HRC: variants seen among roughly 807,000 people sequenced by gnomAD.
HRC encodes histidine rich calcium binding protein.
In HRC, 41 loss-of-function variants were observed where a neutral mutation model predicts 61.4. The observed-to-expected ratio is 0.67, with a 90% confidence interval of 0.52 to 0.87. The LOEUF is 0.87. Among genes scored for constraint, HRC ranks in the 40% least tolerant of loss-of-function variants. The pLI, the probability that HRC is intolerant of heterozygous loss-of-function variation, is 0.00. For synonymous variants in HRC, 308 were observed against 326.6 expected, an observed-to-expected ratio of 0.94 and a Z score of 0.62; for missense variants, 839 against 885.8, an observed-to-expected ratio of 0.95 and a Z score of 0.67.
At position 49,151,834 on chromosome 19, in the gene HRC, C is replaced by G. The variant is rs111458305; in HGVS notation, c.2026+170G>C. 1.7e-3 allele frequency: 1,141 copies of G among 687,692 alleles called. 14 individuals are homozygous for G. In the African/African-American group the frequency reaches 0.018, roughly 11 times the overall value. 42.6% of individuals were successfully genotyped at this position (687,692 alleles called of 1,614,324 possible). On this transcript the variant is annotated intron_variant, in intron 4 of 5. Coordinates refer to ENST00000252825, the MANE Select transcript of HRC (RefSeq NM_002152.3). Reference sequence around the variant, plus strand: ...CTGTCCCTTGGCTCCAGCAACTCCACCTGGTGTTCCTCGAGCCAGGCCCCG... The same window carrying G: ...CTGTCCCTTGGCTCCAGCAACTCCAGCTGGTGTTCCTCGAGCCAGGCCCCG...
intron 3 of HRC, 24 bp downstream of exon 3, chr19:49,152,286 C>A (rs1399677230): frequency 1.9e-6 from 3 of 1,602,880 alleles, no homozygotes; most frequent in Non-Finnish European, 2.6e-6. Flanking sequence ...CCAGTGGAGC[C>A]TTGAGTGTGA....
intron 3 of HRC, 122 bp from the exon 4 acceptor site, chr19:49,152,180 C>T (rs953186200): frequency 7.9e-6 from 10 of 1,264,876 alleles, no homozygotes; most frequent in Non-Finnish European, 1.2e-5. Context: ...GTCAGGATCG[C>T]TTGTGGAGTC....
chr19:49,153,940 T>A lies in HRC; in HGVS notation c.1298A>T (p.Glu433Val), dbSNP rs570096839. ...PREEDEEVSA[E>V]LGHQAPSHRQ... ...GTGGCTGGGGGCCTGGTGGCCAAGC[T>A]CAGCAGAGACCTCCTCATCTTCCTC... The change falls in exon 1 of 6, where the codon GAG becomes GTG. Residue 433 changes from glutamate (E) to valine (V), a missense_variant. By Grantham distance (121) the Glu-to-Val change is moderately radical (BLOSUM62 -2). Coordinates refer to ENST00000252825, the MANE Select transcript of HRC (RefSeq NM_002152.3). This position sits in a 1 kb window ranked among gnomAD's most constrained non-coding sequence, Gnocchi z 4.8. 20 of 1,613,402 alleles carry A rather than the reference T, an allele frequency of 1.2e-5. No homozygotes were observed. The East Asian group carries it at 1.6e-4, about 13-fold the overall frequency.
intron 3 of HRC, 34 bp downstream of exon 3, chr19:49,152,276 C>G (rs2041368386): frequency 1.3e-6 from 2 of 1,584,374 alleles, no homozygotes; most frequent in Non-Finnish European, 8.7e-7. Flanking sequence ...ATCCTGAGGC[C>G]CAGTGGAGCC....
rs1347890862 is a variant in HRC, at chr19:49,154,915, G to A, written c.323C>T (p.Ser108Phe). The A allele has an allele frequency of 6.2e-7, 1 of 1,614,000 alleles. No homozygotes were observed. The highest frequency in any genetic ancestry group is 1.3e-5 in the African/African-American group (1 of 74,914). The change falls in exon 1 of 6, where the codon TCC (serine) becomes TTC (phenylalanine). Residue 108 changes from serine to phenylalanine, a missense_variant. Physicochemically the swap from Ser to Phe is radical, Grantham distance 155. Coordinates refer to ENST00000252825, the MANE Select transcript of HRC (RefSeq NM_002152.3). ...CTCATCTCCGACTTTGTGGTCTTGG[G>A]ACCTGTGGCCTGGGAGTAGGTGCCC... ...EYGHLLPGHR[S>F]QDHKVGDEGV...
In HRC at chr19:49,153,697, C is replaced by T. The variant is rs142238174; in HGVS notation, c.1541G>A (p.Arg514Gln). 5.1e-5 allele frequency: 83 copies of T among 1,613,220 alleles called. No homozygotes were observed. The highest frequency in any genetic ancestry group is 3.2e-4 in the African/African-American group (24 of 74,856). Residue 514 changes from arginine to glutamine, a missense_variant, in exon 1 of 6, where the codon CGG becomes CAG. Coordinates refer to ENST00000252825, the MANE Select transcript of HRC (RefSeq NM_002152.3). This position sits in a 1 kb window ranked among gnomAD's most constrained non-coding sequence, Gnocchi z 4.8. ...QGEKGTHHGS[R>Q]DQEDEEDEEE... is the part of the protein sequence containing the mutation. Reference sequence around the variant, plus strand: ...CTCATCCTCCTCATCTTCCTGGTCCCGGCTGCCATGATGGGTGCCTTTCTC... The same window carrying T: ...CTCATCCTCCTCATCTTCCTGGTCCTGGCTGCCATGATGGGTGCCTTTCTC...
rs74666147 is a variant in HRC, at chr19:49,154,947, C to T, written c.291G>A (p.Lys97=). The change falls in exon 1 of 6, where the codon AAG becomes AAA. Residue 97 remains lysine (K), a synonymous_variant. Coordinates refer to ENST00000252825, the MANE Select transcript of HRC (RefSeq NM_002152.3). The stretch of plus-strand genomic sequence containing the variant: ...GGCCTGGGAGTAGGTGCCCATATTC[C>T]TTGGAGACATCTTCATCCTCCTTTT... ...DREKEDEDVS[K]EYGHLLPGHR... 309 of 1,614,180 alleles carry T rather than the reference C, an allele frequency of 1.9e-4. 1 individual carries two copies. In the African/African-American group the frequency reaches 3.6e-3, roughly 19 times the overall value.
In HRC at chr19:49,154,371, A is replaced by T; in HGVS notation, c.867T>A (p.His289Gln). ...GGTGCCTGTGGCTGGGGTCGCGATG[A>T]TGGTGTCCATCTGAGACATCTTCAT... Reference protein sequence around the residue: ...EEDEDVSDGHHHRDPSHRHRS... With the variant: ...EEDEDVSDGHQHRDPSHRHRS... Residue 289 changes from histidine to glutamine, a missense_variant, in exon 1 of 6, where the codon CAT becomes CAA. By Grantham distance (24) the His-to-Gln change is conservative. Coordinates refer to ENST00000252825, the MANE Select transcript of HRC (RefSeq NM_002152.3). 6.3e-7 allele frequency: 1 copy of T among 1,586,000 alleles called. No homozygotes were observed. Among genetic ancestry groups the T allele is most frequent in the South Asian group, 1.1e-5 (1 of 90,312 alleles).
In HRC at chr19:49,152,034, G is replaced by A. The variant is rs1467346930; in HGVS notation, c.1996C>T (p.Pro666Ser). 1.9e-6 allele frequency: 3 copies of A among 1,614,232 alleles called. No individual in the cohort carries two copies. The highest frequency in any genetic ancestry group is 1.1e-5 in the South Asian group (1 of 91,084). Reference sequence around the variant, plus strand: ...GCGCAGACCGTTTCGCAGACCAGCGGGCAGAGATAGCAGAACTGACAGTGC... The same window carrying A: ...GCGCAGACCGTTTCGCAGACCAGCGAGCAGAGATAGCAGAACTGACAGTGC... ...CQHCQFCYLC[P>S]LVCETVCAPG... Residue 666 changes from proline (P) to serine (S), a missense_variant, in exon 4 of 6, where the codon CCG becomes TCG. Coordinates refer to ENST00000252825, the MANE Select transcript of HRC (RefSeq NM_002152.3).
rs1170651274 is a variant in HRC at position 49,153,549 on chromosome 19, G to A, written c.1689C>T (p.Ser563=). ...CCTCTTCCTCCTCGCTGTGGTCTGG[G>A]CTCAGTGGGGCCCCAACCTCAGCCC... The part of the protein sequence containing the change: ...EERAEVGAPL[S]PDHSEEEEEE... Residue 563 remains serine, a synonymous_variant, in exon 1 of 6, where the codon AGC becomes AGT. Transcript: ENST00000252825. This position sits in a 1 kb window ranked among gnomAD's most constrained non-coding sequence, Gnocchi z 4.8. The A allele has an allele frequency of 3.2e-6, 5 of 1,572,160 alleles. No individual in the cohort carries two copies. The highest frequency in any genetic ancestry group is 4.3e-6 in the Non-Finnish European group (5 of 1,157,406).
In HRC at chr19:49,154,212, G is replaced by GGCA. The variant is rs759878242; in HGVS notation, c.1025_1026insTGC (p.Asp342_His343insAla). ...CGTCTCTGTGGCCTTGGTGCCTGTG[G>GGCA]TCAGGGACATGATGGTGGTGTTCAC... is the stretch of plus-strand genomic sequence containing the variant. On this transcript the variant is annotated inframe_insertion, in exon 1 of 6. Transcript: ENST00000252825. 2.8e-4 allele frequency: 445 copies of GGCA among 1,613,078 alleles called. No homozygotes were observed. The highest frequency in any genetic ancestry group is 3.6e-4 in the Non-Finnish European group (426 of 1,179,714).
intron 2 of HRC, 79 bp from the exon 3 acceptor site, chr19:49,152,457 C>G: frequency 8.5e-7 from 1 of 1,172,512 alleles, no homozygotes; most frequent in Non-Finnish European, 1.2e-6. Context: ...ACCCCTGCAC[C>G]CTGGACGCTT....
intron 3 of HRC, 96 bp downstream of exon 3, chr19:49,152,214 T>A: frequency 7.7e-7 from 1 of 1,298,552 alleles, no homozygotes; most frequent in African/African-American, 1.5e-5. Context: ...GGGTAAGGGG[T>A]TGGGTCAGAG....
chr19:49,153,822 C>A lies in HRC; in HGVS notation c.1416G>T (p.Lys472Asn), dbSNP rs974072511. ...CATCCTTCCTCAAATGGCTTCTATC[C>A]TTGACCACTGTGTGTCCTGGGGGGT... is the stretch of plus-strand genomic sequence containing the variant. ...SHHPPGHTVVKDRSHLRKDDS... is the reference protein window; with the variant it reads ...SHHPPGHTVVNDRSHLRKDDS... The change falls in exon 1 of 6, where the codon AAG (lysine) becomes AAT (asparagine). Residue 472 changes from lysine to asparagine, a missense_variant. Physicochemically the swap from Lys to Asn is moderately conservative, Grantham distance 94 (BLOSUM62 0). Coordinates refer to ENST00000252825, the MANE Select transcript of HRC (RefSeq NM_002152.3). This position sits in a 1 kb window ranked among gnomAD's most constrained non-coding sequence, Gnocchi z 4.8. 2 of 1,614,134 alleles carry A rather than the reference C, an allele frequency of 1.2e-6. No individual in the cohort carries two copies. The highest frequency in any genetic ancestry group is 1.7e-6 in the Non-Finnish European group (2 of 1,180,032).
chr19:49,154,660 TCTC>T lies in HRC; in HGVS notation c.575_577del (p.Gly192del), dbSNP rs2122694067. The T allele has an allele frequency of 1.2e-6, 2 of 1,604,124 alleles. No homozygotes were observed. Among genetic ancestry groups the T allele is most frequent in the East Asian group, 2.2e-5 (1 of 44,636 alleles). On this transcript the variant is annotated inframe_deletion, in exon 1 of 6. Coordinates refer to ENST00000252825, the MANE Select transcript of HRC (RefSeq NM_002152.3). ...CTCCTCCTCCTCCTCCTCCTCCTCTTCTCCTTCATCATCTTCCCCATCATGGCC... is the reference window on the plus strand; with the variant it reads ...CTCCTCCTCCTCCTCCTCCTCCTCTTCTTCATCATCTTCCCCATCATGGCC...
At position 49,153,658 on chromosome 19, in the gene HRC, C is replaced by T; in HGVS notation, c.1580G>A (p.Gly527Asp). The change falls in exon 1 of 6, where the codon GGC becomes GAC. Residue 527 changes from glycine (G) to aspartate (D), a missense_variant. Coordinates refer to ENST00000252825, the MANE Select transcript of HRC (RefSeq NM_002152.3). This position sits in a 1 kb window ranked among gnomAD's most constrained non-coding sequence, Gnocchi z 4.8. ...EDEEDEEEGH[G>D]LSLNQEEEEE... is the part of the protein sequence containing the mutation. ...TTCCTCCTCCTGGTTCAGGCTGAGG[C>T]CATGACCTTCCTCCTCATCCTCCTC... 1 of 1,588,816 alleles carries T rather than the reference C, an allele frequency of 6.3e-7. No homozygotes were observed. The highest frequency in any genetic ancestry group is 1.3e-5 in the African/African-American group (1 of 74,522).
rs1325727345 is a variant in HRC, at chr19:49,154,858, T to C, written c.380A>G (p.His127Arg). ...TCTGTGCCCACGGGCCTGCCCACCA[T>C]GCTCTGCAAAGACCTCCTCACCTGA... is the stretch of plus-strand genomic sequence containing the variant. The part of the protein sequence containing the change: ...GVSGEEVFAE[H>R]GGQARGHRGH... Residue 127 changes from histidine (H) to arginine (R), a missense_variant, in exon 1 of 6, where the codon CAT becomes CGT. Physicochemically the swap from His to Arg is conservative, Grantham distance 29 (BLOSUM62 0). Coordinates refer to ENST00000252825, the MANE Select transcript of HRC (RefSeq NM_002152.3). 1.9e-6 allele frequency: 3 copies of C among 1,614,142 alleles called. No homozygotes were observed. In the Admixed American group the frequency reaches 5.0e-5, roughly 27 times the overall value.
Position 49,154,485 on chromosome 19 carries a change from A to ATCC in HRC, c.752_753insGGA (p.Asp250_Asp251insGlu). 1 of 1,581,022 alleles carries ATCC rather than the reference A, an allele frequency of 6.3e-7. No homozygotes were observed. The highest frequency in any genetic ancestry group is 1.7e-4 in the Middle Eastern group (1 of 5,966). Reference sequence around the variant, plus strand: ...CATCATCATCATCATCATCATCATCATCATCATCATCGTCATCTTCTTCAT... The same window carrying ATCC: ...CATCATCATCATCATCATCATCATCATCCTCATCATCATCGTCATCTTCTTCAT... On this transcript the variant is annotated inframe_insertion, in exon 1 of 6. Coordinates refer to ENST00000252825, the MANE Select transcript of HRC (RefSeq NM_002152.3).
chr19:49,152,717 G>C (rs1039275526), intron 2 of HRC, among the ~76,000 whole-genome samples: 1 of 151,850 alleles, frequency 6.6e-6, no homozygotes, highest in Non-Finnish European at 1.5e-5. Context: ...TTACAGGTGC[G>C]TGCCACCACG....
Sources: gnomAD v4.1 joint callset for allele counts (sites outside exome capture counted in the v4.1 genomes callset) on GRCh38, gnomAD v4.1.1 for gene constraint, Gnocchi (gnomAD v3.1) non-coding constraint, MANE v1.5 for transcripts, NCBI Gene and HGNC (gene_info 2026-07-23, HGNC 2026-07-21) for gene names.